GMPR: variants seen among roughly 807,000 people sequenced by gnomAD.
The protein encoded by GMPR is guanosine monophosphate reductase.
Under a neutral mutation model 38.4 loss-of-function variants are expected in GMPR, and 31 were observed. That is an observed-to-expected ratio of 0.81 (90% CI 0.61 to 1.09). The LOEUF (loss-of-function observed/expected upper bound fraction) is 1.09, where lower values mean the gene tolerates loss of function less well. GMPR is among the 50% of genes least tolerant of loss of function. The pLI is 0.00. For synonymous variants in GMPR, 162 were observed against 173.3 expected (o/e 0.93, Z 0.51); for missense variants, 468 against 453.7 (o/e 1.03, Z -0.29).
chr6:16,282,767 T>A (rs1398300591), intron 6 of GMPR, among the ~76,000 whole-genome samples: 1 of 152,222 alleles, frequency 6.6e-6, no homozygotes, highest in Non-Finnish European at 1.5e-5. Context: ...CCTTTTTGTT[T>A]TTTCATTGTC....
intron 1 of GMPR, among the ~76,000 whole-genome samples, chr6:16,246,503 G>T (rs1758757792): frequency 6.6e-6 from 1 of 152,222 alleles, no homozygotes; most frequent in Admixed American, 6.5e-5. Context: ...GGTTGGCAAG[G>T]AAGAGTGGAG....
At chr6:16,253,638 A>G (rs945131073) in intron 3 of GMPR, among the ~76,000 whole-genome samples, 3 of 152,130 alleles carry the variant, frequency 2.0e-5, no homozygotes, top group African/African-American at 7.2e-5. Flanking sequence ...ATATTTCAAC[A>G]TGAGATTTGG....
chr6:16,279,733 A>AG (rs1349425547), intron 6 of GMPR, among the ~76,000 whole-genome samples: 3 of 152,180 alleles, frequency 2.0e-5, no homozygotes, highest in Non-Finnish European at 4.4e-5. Flanking sequence ...GGCAGGCGTG[A>AG]GGGGCAGCAG....
chr6:16,263,233 C>G (rs985221048), intron 4 of GMPR: 2 of 151,854 alleles, frequency 1.3e-5, no homozygotes, highest in East Asian at 1.9e-4. Flanking sequence ...ATGTCAGGCA[C>G]CTCAGACCAT....
chr6:16,283,927 A>C (rs1295793325), intron 6 of GMPR, among the ~76,000 whole-genome samples: 3 of 152,258 alleles, frequency 2.0e-5, no homozygotes, highest in Non-Finnish European at 4.4e-5. Flanking sequence ...AGGGCAAGCG[A>C]AGGGCATTTT....
At chr6:16,239,398 T>G (rs1024901057) in intron 1 of GMPR, among the ~76,000 whole-genome samples, 4 of 151,818 alleles carry the variant, frequency 2.6e-5, no homozygotes, top group Admixed American at 2.6e-4. Flanking sequence ...GTGAGAGAGG[T>G]GGGGGCGAAT....
At chr6:16,246,755 C>A (rs1314848160) in intron 1 of GMPR, 87 bp from the exon 2 acceptor site, 1 of 1,329,984 alleles carries the variant, frequency 7.5e-7, no homozygotes, top group Non-Finnish European at 1.1e-6. Flanking sequence ...TTCCTACTCG[C>A]TCCAAACTCC....
chr6:16,266,653 AAG>A (rs1392237822), intron 4 of GMPR, among the ~76,000 whole-genome samples: 1 of 151,796 alleles, frequency 6.6e-6, no homozygotes, highest in Middle Eastern at 3.4e-3. Flanking sequence ...GTACAAAAAA[AAG>A]AAAAAATTAG....
intron 7 of GMPR, among the ~76,000 whole-genome samples, chr6:16,287,315 CTT>C (rs1208809895): frequency 4.6e-5 from 7 of 152,358 alleles, no homozygotes; most frequent in South Asian, 2.1e-4. Context: ...ATCTTGGACT[CTT>C]TTGTGTTGCC....
rs1031349778 is a variant in GMPR at position 16,285,686 on chromosome 6, G to A, written c.655-107G>A. On this transcript the variant is annotated intron_variant, in intron 6 of 8. Transcript: ENST00000259727. ...AACTTGGGCCCGTGGGCTTGCTGGG[G>A]GCTGTGGTGGGTCTGAACCCCCAGT... 36 of 856,094 alleles carry A rather than the reference G, an allele frequency of 4.2e-5. No individual in the cohort carries two copies. In the African/African-American group the frequency reaches 4.3e-4, roughly 10 times the overall value. 53.0% of individuals were successfully genotyped at this position (856,094 alleles called of 1,614,324 possible).
intron 1 of GMPR, among the ~76,000 whole-genome samples, chr6:16,244,420 G>C (rs1382539449): frequency 6.6e-6 from 1 of 151,600 alleles, no homozygotes; most frequent in African/African-American, 2.4e-5. Context: ...TCACCGTGTT[G>C]CCCAGGCTGG....
intron 4 of GMPR, chr6:16,263,283 A>G (rs923394502): frequency 1.3e-5 from 2 of 151,982 alleles, no homozygotes; most frequent in Non-Finnish European, 2.9e-5. Flanking sequence ...ATCTTGTAGG[A>G]TGGAAAAATT....
chr6:16,265,818 C>T (rs1441234931), intron 4 of GMPR, among the ~76,000 whole-genome samples: 4 of 152,258 alleles, frequency 2.6e-5, no homozygotes, highest in South Asian at 2.1e-4. Context: ...GGAACCCTTC[C>T]ACGCCATGGA....
chr6:16,277,743 C>T (rs1041930710), intron 5 of GMPR, among the ~76,000 whole-genome samples: 9 of 152,164 alleles, frequency 5.9e-5, no homozygotes, highest in African/African-American at 2.2e-4. Flanking sequence ...AACAACTCCC[C>T]TGGGGCAGTG....
intron 3 of GMPR, among the ~76,000 whole-genome samples, chr6:16,251,639 G>A (rs1758877703): frequency 6.6e-6 from 1 of 152,196 alleles, no homozygotes; most frequent in African/African-American, 2.4e-5. Flanking sequence ...GTCCAGAATA[G>A]GCAAATCTAA....
intron 1 of GMPR, among the ~76,000 whole-genome samples, chr6:16,243,785 A>G (rs1758703825): frequency 3.3e-5 from 5 of 152,130 alleles, no homozygotes; most frequent in African/African-American, 1.2e-4. Flanking sequence ...CCAAGTACTC[A>G]GGATCCTGGA....
chr6:16,240,191 T>A (rs1307925009), intron 1 of GMPR, among the ~76,000 whole-genome samples: 1 of 152,198 alleles, frequency 6.6e-6, no homozygotes, highest in Non-Finnish European at 1.5e-5. Flanking sequence ...AACAAAGATA[T>A]ACCTATTTTC....
chr6:16,262,234 C>G (rs932510872), intron 4 of GMPR: 12 of 151,640 alleles, frequency 7.9e-5, no homozygotes, highest in Admixed American at 2.7e-4. Context: ...TAGGGGGCTT[C>G]CGAGGCGATC....
At chr6:16,263,252 T>G (rs562490747) in intron 4 of GMPR, 3 of 152,022 alleles carry the variant, frequency 2.0e-5, no homozygotes, top group South Asian at 2.1e-4. Flanking sequence ...ATTTGCCCAT[T>G]GTACGACAAG....
Sources: allele counts gnomAD v4.1 joint callset (sites outside exome capture counted in the v4.1 genomes callset), GRCh38; gene constraint gnomAD v4.1.1; transcripts MANE v1.5; gene names NCBI Gene and HGNC (gene_info 2026-07-23, HGNC 2026-07-21).